C12orf42: variants seen among roughly 807,000 people sequenced by gnomAD.
The protein encoded by C12orf42 is uncharacterized protein C12orf42.
In C12orf42, 25 loss-of-function variants were observed where a neutral mutation model predicts 21.6. That is an observed-to-expected ratio of 1.16 (90% CI 0.84 to 1.62). C12orf42 has a LOEUF of 1.62. Among genes scored for constraint, C12orf42 ranks in the 40% most tolerant of loss-of-function variants. C12orf42 has a pLI of 0.00. For synonymous variants in C12orf42, 174 were observed against 175.0 expected (o/e 0.99, Z 0.05); for missense variants, 483 against 459.3 (o/e 1.05, Z -0.47).
chr12:103,446,579 G>C (rs577792496), intron 2 of C12orf42, among the ~76,000 whole-genome samples: 66 of 152,062 alleles, frequency 4.3e-4, no homozygotes, highest in African/African-American at 1.6e-3. Flanking sequence ...GAAGTGATAA[G>C]ATTTCATCAA....
At position 103,388,179 on chromosome 12, in the gene C12orf42, G is replaced by A. The variant is rs150144324; in HGVS notation, c.147+13428C>T. Among the ~76,000 whole-genome samples, 870 of 152,322 alleles carry A rather than the reference G, an allele frequency of 5.7e-3. 9 individuals are homozygous for A. The highest frequency in any genetic ancestry group is 0.02 in the African/African-American group (821 of 41,558). ...TCCTTGGTGCCAGAGAAGGGGGGGT[G>A]ATAACTCTGAGTGCCATCTGCTAGG... is the stretch of plus-strand genomic sequence containing the variant. On this transcript the variant is annotated intron_variant, in intron 3 of 5. Transcript: ENST00000548883.
chr12:103,276,065 T>C (rs1471426174), intron 5 of C12orf42, among the ~76,000 whole-genome samples: 1 of 152,180 alleles, frequency 6.6e-6, no homozygotes, highest in Non-Finnish European at 1.5e-5. Flanking sequence ...AGGGCAAGAT[T>C]CTGTCTCTAG....
rs149982962 is a variant in C12orf42, at chr12:103,430,438, G to T, written c.79-28763C>A. Among the ~76,000 whole-genome samples, 14 of 152,262 alleles carry T rather than the reference G, an allele frequency of 9.2e-5. No individual in the cohort carries two copies. The East Asian group carries it at 2.5e-3, about 27-fold the overall frequency. Reference sequence around the variant, plus strand: ...ATACCATCTCACACCAGTTAGAATGGCGATCATTAAAAAGTCAGGGAACAA... The same window carrying T: ...ATACCATCTCACACCAGTTAGAATGTCGATCATTAAAAAGTCAGGGAACAA... On this transcript the variant is annotated intron_variant, in intron 2 of 5. Coordinates refer to ENST00000548883, the MANE Select transcript of C12orf42 (RefSeq NM_198521.5).
At chr12:103,071,477 T>A in the C12orf42 span, among the ~76,000 whole-genome samples, 1 of 152,114 alleles carries the variant, frequency 6.6e-6, no homozygotes, top group Non-Finnish European at 1.5e-5. Flanking sequence ...AACATTGATG[T>A]TGATATGATT....
the C12orf42 span, among the ~76,000 whole-genome samples, chr12:103,175,495 C>T: frequency 2.0e-5 from 3 of 152,096 alleles, no homozygotes; most frequent in East Asian, 1.9e-4. Flanking sequence ...AAAAATTGGG[C>T]GCTCATCTTC....
At chr12:103,435,363 C>T (rs982801326) in intron 2 of C12orf42, among the ~76,000 whole-genome samples, 9 of 152,214 alleles carry the variant, frequency 5.9e-5, no homozygotes, top group Admixed American at 2.0e-4. Context: ...TCCAAAGGAA[C>T]GCAGTTCCTC....
the C12orf42 span, among the ~76,000 whole-genome samples, chr12:103,532,890 G>A: frequency 2.0e-5 from 3 of 152,174 alleles, no homozygotes; most frequent in Non-Finnish European, 2.9e-5. Context: ...CTTCAAAGAG[G>A]TCACATCAAA....
chr12:103,310,220 T>C (rs140820383), intron 4 of C12orf42, among the ~76,000 whole-genome samples: 327 of 152,204 alleles, frequency 2.1e-3, no homozygotes, highest in African/African-American at 7.6e-3. Context: ...TTTGGTCATT[T>C]AAAAGTGTGT....
the C12orf42 span, among the ~76,000 whole-genome samples, chr12:103,184,895 C>A: frequency 4.6e-5 from 7 of 151,974 alleles, no homozygotes; most frequent in Non-Finnish European, 8.8e-5. Context: ...CAGGTGAATG[C>A]ACAGAGGAAA....
upstream of C12orf42, among the ~76,000 whole-genome samples, chr12:103,496,949 C>T (rs1955573312): frequency 6.9e-6 from 1 of 145,454 alleles, no homozygotes; most frequent in South Asian, 2.2e-4. Context: ...GCATTTATTT[C>T]TTTAAAAAAA....
intron 5 of C12orf42, among the ~76,000 whole-genome samples, chr12:103,304,727 T>C (rs1207917588): frequency 3.4e-4 from 51 of 152,190 alleles, no homozygotes; most frequent in Non-Finnish European, 1.5e-5. Flanking sequence ...ATAGTAAGAA[T>C]TCAAAAGTGT....
At chr12:103,128,719 G>A in the C12orf42 span, among the ~76,000 whole-genome samples, 1 of 152,120 alleles carries the variant, frequency 6.6e-6, no homozygotes, top group Admixed American at 6.5e-5. Flanking sequence ...AATACATGGA[G>A]TGATTTTCAT....
chr12:103,427,548 T>C (rs867620973), intron 2 of C12orf42, among the ~76,000 whole-genome samples: 2 of 152,188 alleles, frequency 1.3e-5, no homozygotes, highest in South Asian at 2.1e-4. Context: ...AACACCCCAC[T>C]GTCAATATTA....
chr12:103,523,607 CATAT>C, the C12orf42 span, among the ~76,000 whole-genome samples: 1 of 150,374 alleles, frequency 6.7e-6, no homozygotes, highest in Non-Finnish European at 1.5e-5. Context: ...TTCATATATA[CATAT>C]ATATACTCTA....
At chr12:103,070,864 C>T in the C12orf42 span, among the ~76,000 whole-genome samples, 4 of 152,090 alleles carry the variant, frequency 2.6e-5, no homozygotes, top group Non-Finnish European at 5.9e-5. Context: ...ATTGTCACGA[C>T]ACTGAAAATA....
the C12orf42 span, among the ~76,000 whole-genome samples, chr12:103,529,880 C>T: frequency 5.9e-5 from 9 of 152,168 alleles, no homozygotes; most frequent in Non-Finnish European, 1.2e-4. Context: ...CTTTCAGCTG[C>T]CTTTCCTCCC....
At chr12:103,525,440 T>C in the C12orf42 span, among the ~76,000 whole-genome samples, 3 of 152,178 alleles carry the variant, frequency 2.0e-5, no homozygotes, top group African/African-American at 7.2e-5. Context: ...TACAGGTTGT[T>C]TCATAGAGTG....
Position 103,306,253 on chromosome 12 carries a change from A to C in C12orf42, c.352T>G (p.Ser118Ala), listed in dbSNP as rs558454593. ...TCTTCATAGCTTTCTTCATCAAAAG[A>C]AACTGTGCTTACAGAACACCTGGGG... ...IVPRCSVSTV[S>A]FDEESYEEFR... The change falls in exon 5 of 6, where the codon TCT becomes GCT. Residue 118 changes from serine (S) to alanine (A), a missense_variant. By Grantham distance (99) the Ser-to-Ala change is moderately conservative. Coordinates refer to ENST00000548883, the MANE Select transcript of C12orf42 (RefSeq NM_198521.5). 7.6e-5 allele frequency: 123 copies of C among 1,613,908 alleles called. No individual in the cohort carries two copies. In the East Asian group the frequency reaches 2.5e-3, roughly 32 times the overall value.
intron 3 of C12orf42, among the ~76,000 whole-genome samples, chr12:103,395,315 T>C (rs1438919131): frequency 2.0e-5 from 3 of 151,896 alleles, no homozygotes; most frequent in Non-Finnish European, 2.9e-5. Flanking sequence ...CTAATAGAAA[T>C]GTGGCTTTAG....
Sources: gnomAD v4.1 joint callset for allele counts (sites outside exome capture counted in the v4.1 genomes callset) on GRCh38, gnomAD v4.1.1 for gene constraint, MANE v1.5 for transcripts, NCBI Gene and HGNC (gene_info 2026-07-23, HGNC 2026-07-21) for gene names.